Variants in SH2B2 observed in about 807,000 individuals in gnomAD.
The protein encoded by SH2B2 is SH2B adaptor protein 2, also known as SH2B adapter protein 2.
In SH2B2, 37 loss-of-function variants were observed where a neutral mutation model predicts 35.7. That is an observed-to-expected ratio of 1.04 (90% CI 0.80 to 1.36). The LOEUF is 1.36. Ranked by LOEUF, SH2B2 falls within the 40% of genes most tolerant of loss-of-function variation. The probability of loss-of-function intolerance (pLI) is 0.00; values close to 1 mark genes in which losing one functional copy is unlikely to be tolerated. For synonymous variants in SH2B2, 383 were observed against 376.4 expected (o/e 1.02, Z -0.20); for missense variants, 852 against 817.7 (o/e 1.04, Z -0.51).
chr7:102,317,015 T>C, intron 6 of SH2B2, 172 bp from the exon 7 acceptor site: 2 of 594,558 alleles, frequency 3.4e-6, no homozygotes, highest in Non-Finnish European at 5.7e-6. Flanking sequence ...AGAGCGAAAC[T>C]TCGTCTCAAA....
At chr7:102,313,130 T>TAAA (rs1206179173) in intron 4 of SH2B2, among the ~76,000 whole-genome samples, 4 of 94,888 alleles carry the variant, frequency 4.2e-5, no homozygotes, top group East Asian at 2.9e-4. Context: ...AAACTCTGTC[T>TAAA]AAAAAAAAAA....
Position 102,321,551 on chromosome 7 carries a change from C to T in SH2B2, c.1820C>T (p.Ala607Val). The part of the protein sequence containing the change: ...NSAERLLEAV[A>V]ATAAEEPPEA... ...GCCGAGCGCCTGCTGGAGGCCGTGGCCGCCACCGCCGCCGAGGAGCCCCCG... is the reference window on the plus strand; with the variant it reads ...GCCGAGCGCCTGCTGGAGGCCGTGGTCGCCACCGCCGCCGAGGAGCCCCCG... Residue 607 changes from alanine to valine, a missense_variant, in exon 9 of 9, where the codon GCC becomes GTC. Transcript: ENST00000444095. The T allele has an allele frequency of 8.7e-7, 1 of 1,145,784 alleles. No individual in the cohort carries two copies. The highest frequency in any genetic ancestry group is 4.0e-5 in the South Asian group (1 of 24,762). 71.0% of individuals were successfully genotyped at this position (1,145,784 alleles called of 1,614,324 possible). A position where few individuals can be genotyped will look rare whatever the true frequency, so the allele number is the denominator to read the frequency against.
rs1554551455 is a variant in SH2B2 at position 102,289,830 on chromosome 7, G to A, written c.-30+2736G>A. 2.6e-5 allele frequency among the ~76,000 whole-genome samples: 4 copies of A among 152,026 alleles called. No homozygotes were observed. The South Asian group carries it at 8.3e-4, about 32-fold the overall frequency. ...TCTCAGGCCAAGGCTGGAGATGGGAGGGGGGAACCTCTGCTCTGCAACCCC... is the reference window on the plus strand; with the variant it reads ...TCTCAGGCCAAGGCTGGAGATGGGAAGGGGGAACCTCTGCTCTGCAACCCC... On this transcript the variant is annotated intron_variant, in intron 1 of 8. Transcript: ENST00000444095.
chr7:102,313,720 G>A (rs1793710914), intron 4 of SH2B2, among the ~76,000 whole-genome samples: 1 of 151,906 alleles, frequency 6.6e-6, no homozygotes, highest in African/African-American at 2.4e-5. Flanking sequence ...GACCAGCCTG[G>A]CCAACACAGT....
chr7:102,313,012 T>C (rs1004498192), intron 4 of SH2B2, among the ~76,000 whole-genome samples: 170 of 150,430 alleles, frequency 1.1e-3, no homozygotes, highest in African/African-American at 3.5e-3. Flanking sequence ...GCCTGTAATA[T>C]CAGCTACTCG....
intron 1 of SH2B2, among the ~76,000 whole-genome samples, chr7:102,289,241 G>A (rs1335418802): frequency 2.0e-5 from 3 of 152,150 alleles, no homozygotes; most frequent in Non-Finnish European, 4.4e-5. Flanking sequence ...CCATCTGAGG[G>A]TAGCGCCCAC....
intron 6 of SH2B2, among the ~76,000 whole-genome samples, chr7:102,315,812 C>T (rs1401285052): frequency 6.7e-6 from 1 of 148,944 alleles, no homozygotes; most frequent in Non-Finnish European, 1.5e-5. Flanking sequence ...AAGGAAGGAG[C>T]TCACAGAAAA....
chr7:102,285,345 C>T, upstream of SH2B2: 1 of 944,972 alleles, frequency 1.1e-6, no homozygotes, highest in Non-Finnish European at 1.7e-6. Flanking sequence ...CTTTCTCCCA[C>T]TCTCGGGCAC....
chr7:102,304,407 G>A (rs753018555), intron 2 of SH2B2, among the ~76,000 whole-genome samples: 5 of 152,168 alleles, frequency 3.3e-5, no homozygotes, highest in African/African-American at 7.2e-5. Context: ...CAATGAGGCC[G>A]GCCCCCCGCC....
chr7:102,321,318 T>C lies in SH2B2; in HGVS notation c.1587T>C (p.Pro529=). ...TTGCAGAGCCGGGCCCCACGCCCCC[T>C]GCCGCGCCCGCGTCCCCGGCCTGCT... The part of the protein sequence containing the change: ...DPPPEPGPTP[P]AAPASPACWS... Residue 529 remains proline (P), a synonymous_variant, in exon 9 of 9, where the codon CCT becomes CCC. Transcript: ENST00000444095. The C allele has an allele frequency of 7.0e-7, 1 of 1,424,930 alleles. No homozygotes were observed. The allele number at this position is 1,424,930 out of a possible 1,614,324, so 88.3% of individuals were successfully genotyped here. A position where few individuals can be genotyped will look rare whatever the true frequency, so the allele number is the denominator to read the frequency against.
intron 4 of SH2B2, among the ~76,000 whole-genome samples, chr7:102,309,868 G>C (rs1016897375): frequency 6.6e-6 from 1 of 152,150 alleles, no homozygotes; most frequent in Admixed American, 6.6e-5. Flanking sequence ...AACTGGGCAC[G>C]GTGGCATGCA....
chr7:102,285,268 C>T, upstream of SH2B2: 2 of 1,545,088 alleles, frequency 1.3e-6, no homozygotes, highest in South Asian at 2.4e-5. Flanking sequence ...GGTTAGTCCA[C>T]CGCGGGTCAG....
chr7:102,306,660 G>A (rs534422363), intron 2 of SH2B2, 61 bp from the exon 3 acceptor site: 3 of 1,234,670 alleles, frequency 2.4e-6, no homozygotes, highest in East Asian at 5.1e-5. Context: ...GCAGCGGGGA[G>A]GGGATGGAAA....
chr7:102,311,174 C>T (rs964586017), intron 4 of SH2B2, among the ~76,000 whole-genome samples: 10 of 152,084 alleles, frequency 6.6e-5, no homozygotes, highest in Non-Finnish European at 5.9e-5. Flanking sequence ...ACTGCAGCCT[C>T]GACCTCCTGG....
Position 102,321,384 on chromosome 7 carries a change from C to G in SH2B2, c.1653C>G (p.Ala551=), listed in dbSNP as rs371603315. ...SPGQHYFSSL[A]AAACPPASPS... is the part of the protein sequence containing the mutation. ...GCCAGCACTACTTCTCCAGCCTCGC[C>G]GCGGCCGCCTGCCCGCCTGCCTCGC... Residue 551 remains alanine (A), a synonymous_variant, in exon 9 of 9, where the codon GCC becomes GCG. Coordinates refer to ENST00000444095, the MANE Select transcript of SH2B2 (RefSeq NM_001359228.2). 1 of 1,390,088 alleles carries G rather than the reference C, an allele frequency of 7.2e-7. No individual in the cohort carries two copies. The highest frequency in any genetic ancestry group is 9.3e-7 in the Non-Finnish European group (1 of 1,072,156). 86.1% of individuals were successfully genotyped at this position (1,390,088 alleles called of 1,614,324 possible).
intron 1 of SH2B2, among the ~76,000 whole-genome samples, chr7:102,299,503 A>G (rs1238885332): frequency 6.6e-6 from 1 of 151,806 alleles, no homozygotes; most frequent in Non-Finnish European, 1.5e-5. Flanking sequence ...GGCAGTCTTG[A>G]GTTTTGGAAA....
At chr7:102,302,962 G>A (rs1378263906) in intron 2 of SH2B2, among the ~76,000 whole-genome samples, 2 of 152,142 alleles carry the variant, frequency 1.3e-5, no homozygotes, top group Non-Finnish European at 1.5e-5. Context: ...GGCCGAGCGC[G>A]GTGGCTCATG....
rs1012030336 is a variant in SH2B2, at chr7:102,300,725, G to A, written c.175G>A (p.Ala59Thr). 22 of 1,529,214 alleles carry A rather than the reference G, an allele frequency of 1.4e-5. No individual in the cohort carries two copies. The Middle Eastern group carries it at 5.1e-4, about 35-fold the overall frequency. 94.7% of individuals were successfully genotyped at this position (1,529,214 alleles called of 1,614,324 possible). Residue 59 changes from alanine (A) to threonine (T), a missense_variant, in exon 2 of 9, where the codon GCC becomes ACC. By Grantham distance (58) the Ala-to-Thr change is moderately conservative. Around this residue, in one of 3 missense-constraint regions of SH2B2, gnomAD observed 294 missense variants for 286.6 expected, o/e 1.03. Transcript: ENST00000444095. ...AGCTTACGACACGCCCGACGCCGGC[G>A]CCTCCTTCTCCCGCCACTTCGCCGC... ...NPAYDTPDAG[A>T]SFSRHFAANF...
At chr7:102,319,248 C>T (rs1459204882) in intron 7 of SH2B2, among the ~76,000 whole-genome samples, 4 of 152,234 alleles carry the variant, frequency 2.6e-5, no homozygotes, top group African/African-American at 9.6e-5. Flanking sequence ...CAGCTGTGCC[C>T]TGCGCAGGCT....
Sources: allele counts gnomAD v4.1 joint callset (sites outside exome capture counted in the v4.1 genomes callset), GRCh38; gene constraint gnomAD v4.1.1; regional missense constraint gnomAD v4.1.1; transcripts MANE v1.5; gene names NCBI Gene and HGNC (gene_info 2026-07-23, HGNC 2026-07-21).